Variants in SFTPD observed in about 807,000 individuals in gnomAD.
SFTPD encodes the protein surfactant protein D.
A neutral mutation model predicts 34.6 loss-of-function variants in SFTPD; 18 were observed. That is an observed-to-expected ratio of 0.52 (90% confidence interval 0.36 to 0.77). The LOEUF (loss-of-function observed/expected upper bound fraction) is 0.77. Ranked by LOEUF, SFTPD falls within the 30% of genes least tolerant of loss-of-function variation. The pLI, the probability that SFTPD is intolerant of heterozygous loss-of-function variation, is 0.00. For missense variants in SFTPD, 433 were observed against 468.9 expected (o/e 0.92, Z 0.71); for synonymous variants, 155 against 180.9 (o/e 0.86, Z 1.15).
intron 1 of SFTPD, among the ~76,000 whole-genome samples, chr10:79,978,825 A>G: frequency 6.6e-6 from 1 of 152,128 alleles, no homozygotes; most frequent in Admixed American, 6.6e-5. Context: ...TCTATTTATC[A>G]AAATACTGGA....
intron 1 of SFTPD, among the ~76,000 whole-genome samples, chr10:79,965,438 C>A (rs566974532): frequency 6.6e-6 from 1 of 152,090 alleles, no homozygotes; most frequent in Non-Finnish European, 1.5e-5. Flanking sequence ...CGCCCCTAAT[C>A]CCGCTCGAAG....
At chr10:79,971,053 T>C (rs1842831866) in intron 1 of SFTPD, 1 of 152,198 alleles carries the variant, frequency 6.6e-6, no homozygotes, top group Non-Finnish European at 1.5e-5. Flanking sequence ...CATATCTAGT[T>C]TGTTGAAGAT....
At chr10:79,971,364 T>G (rs1282614284) in intron 1 of SFTPD, 1 of 152,176 alleles carries the variant, frequency 6.6e-6, no homozygotes, top group Non-Finnish European at 1.5e-5. Context: ...GAGGGTAACG[T>G]CATCATAGAA....
At chr10:79,975,519 A>G (rs906750644) in intron 1 of SFTPD, among the ~76,000 whole-genome samples, 4 of 151,942 alleles carry the variant, frequency 2.6e-5, no homozygotes, top group African/African-American at 9.7e-5. Context: ...ACATTCTCCA[A>G]CTGTTGCTCC....
At chr10:79,940,578 G>T in intron 7 of SFTPD, 127 bp downstream of exon 7, 1 of 646,322 alleles carries the variant, frequency 1.5e-6, no homozygotes, top group East Asian at 2.6e-5. Flanking sequence ...TCCCATCCTA[G>T]ACCCAGGGCA....
upstream of SFTPD, among the ~76,000 whole-genome samples, chr10:79,951,202 A>G: frequency 6.6e-6 from 1 of 152,016 alleles, no homozygotes; most frequent in East Asian, 1.9e-4. Context: ...AAATTTTTAT[A>G]TTGGTTAGGA....
Position 79,941,381 on chromosome 10 carries a change from A to C in SFTPD, c.667+17T>G. The C allele has an allele frequency of 1.0e-5, 16 of 1,606,482 alleles. No individual in the cohort carries two copies. Among genetic ancestry groups the C allele is most frequent in the Non-Finnish European group, 1.1e-5 (13 of 1,173,128 alleles). Reference sequence around the variant, plus strand: ...TGCCCCAGCGGGGCTTCCCTGGGCCAGGAGCTGCTACCTTACCTGGAAGCC... The same window carrying C: ...TGCCCCAGCGGGGCTTCCCTGGGCCCGGAGCTGCTACCTTACCTGGAAGCC... On this transcript the variant is annotated intron_variant, in intron 6 of 7. Transcript: ENST00000372292.
chr10:79,958,361 G>T (rs923062227), intron 1 of SFTPD, among the ~76,000 whole-genome samples: 1 of 152,150 alleles, frequency 6.6e-6, no homozygotes, highest in African/African-American at 2.4e-5. Context: ...CTGGCAAATT[G>T]GATAAAGAGT....
At chr10:79,938,937 C>T (rs367684072) in intron 7 of SFTPD, among the ~76,000 whole-genome samples, 2 of 152,134 alleles carry the variant, frequency 1.3e-5, no homozygotes, top group Non-Finnish European at 1.5e-5. Flanking sequence ...GTGAGTGAGG[C>T]GCAGGGGAGT....
At chr10:79,951,812 G>C (rs75448566), upstream of SFTPD, among the ~76,000 whole-genome samples, 52 of 152,224 alleles carry the variant, frequency 3.4e-4, no homozygotes, top group African/African-American at 1.2e-3. Flanking sequence ...GCTTTGGAGG[G>C]GGACACAAAA....
At position 79,939,035 on chromosome 10, in the gene SFTPD, C is replaced by T. The variant is rs17881730; in HGVS notation, c.752-807G>A. 4.1e-3 allele frequency among the ~76,000 whole-genome samples: 623 copies of T among 152,282 alleles called. 10 individuals are homozygous for T. The highest frequency in any genetic ancestry group is 0.015 in the African/African-American group (603 of 41,546). ...GCGTGGGCAAGGGAAAGTCACTTCCCTTTTCAGGGTTTCCATTTCCTCATC... is the reference window on the plus strand; with the variant it reads ...GCGTGGGCAAGGGAAAGTCACTTCCTTTTTCAGGGTTTCCATTTCCTCATC... On this transcript the variant is annotated intron_variant, in intron 7 of 7. Transcript: ENST00000372292.
chr10:79,970,097 C>A (rs75024979), intron 1 of SFTPD: 8,937 of 152,202 alleles, frequency 0.059, 591 homozygotes, highest in East Asian at 0.39. Flanking sequence ...TGCATGTGGA[C>A]CTCCAGTTTT....
chr10:79,974,649 C>T (rs1430505737), intron 1 of SFTPD, among the ~76,000 whole-genome samples: 3 of 152,090 alleles, frequency 2.0e-5, no homozygotes, highest in Non-Finnish European at 4.4e-5. Context: ...TAAAGTGTAT[C>T]TCTCTGTGTC....
chr10:79,946,676 C>T lies in SFTPD; in HGVS notation c.-3-14G>A. 6.2e-7 allele frequency: 1 copy of T among 1,611,080 alleles called. No individual in the cohort carries two copies. Among genetic ancestry groups the T allele is most frequent in the African/African-American group, 1.3e-5 (1 of 75,006 alleles). On this transcript the variant is annotated splice_polypyrimidine_tract_variant and intron_variant, in intron 1 of 7. Transcript: ENST00000372292. ...GAGCAGCATGGCCTGGAGAGGTGAA[C>T]AGAAAGAGAAAAGACATGCTTATGC...
intron 1 of SFTPD, chr10:79,982,330 G>C (rs976661256): frequency 7.3e-6 from 7 of 952,940 alleles, no homozygotes; most frequent in African/African-American, 3.5e-5. Context: ...CCAGCGCCTC[G>C]GGCGGCGCTG....
intron 1 of SFTPD, among the ~76,000 whole-genome samples, chr10:79,975,529 C>T (rs575339088): frequency 3.3e-4 from 50 of 152,182 alleles, no homozygotes; most frequent in African/African-American, 1.1e-3. Context: ...ACTGTTGCTC[C>T]GGCGACCCTT....
rs547905862 is a variant in SFTPD, at chr10:79,946,511, C to T, written c.149G>A (p.Arg50His). The T allele has an allele frequency of 1.1e-5, 17 of 1,614,170 alleles. No homozygotes were observed. The highest frequency in any genetic ancestry group is 8.3e-5 in the Admixed American group (5 of 60,020). The change falls in exon 2 of 8, where the codon CGC (arginine) becomes CAC (histidine). Residue 50 changes from arginine to histidine, a missense_variant. Arg to His is a conservative substitution (Grantham distance 29). Coordinates refer to ENST00000372292, the MANE Select transcript of SFTPD (RefSeq NM_003019.5). ...CSSVESGLPG[R>H]DGRDGREGPR... The stretch of plus-strand genomic sequence containing the variant: ...GCCCTCTCTCCCATCCCGTCCATCG[C>T]GACCAGGCAGGCCACTCTCCACTGA...
chr10:79,974,536 A>C (rs191077092), intron 1 of SFTPD, among the ~76,000 whole-genome samples: 16 of 152,106 alleles, frequency 1.1e-4, no homozygotes, highest in African/African-American at 3.9e-4. Context: ...ATGTGATCAT[A>C]GTTCTCTGGT....
At chr10:79,978,110 G>A (rs1474839784) in intron 1 of SFTPD, among the ~76,000 whole-genome samples, 1 of 152,156 alleles carries the variant, frequency 6.6e-6, no homozygotes, top group Non-Finnish European at 1.5e-5. Context: ...AGATGATATA[G>A]CTTTGCCATA....
Sources: allele counts gnomAD v4.1 joint callset (sites outside exome capture counted in the v4.1 genomes callset), GRCh38; gene constraint gnomAD v4.1.1; transcripts MANE v1.5; gene names NCBI Gene and HGNC (gene_info 2026-07-23, HGNC 2026-07-21).